The following MAS1 variants were observed in gnomAD, a reference collection of about 807,000 sequenced individuals.
MAS1 encodes the protein MAS1 proto-oncogene, G protein-coupled receptor.
For missense variants in MAS1, 387 were observed against 409.7 expected (o/e 0.94, Z 0.48); for synonymous variants, 163 against 164.2 (o/e 0.99, Z 0.05).
rs535009197 is a variant in MAS1, at chr6:159,912,989, G to T, written c.*5056G>T. The T allele has an allele frequency of 6.6e-6, 1 of 152,274 alleles. No individual in the cohort carries two copies. Among genetic ancestry groups the T allele is most frequent in the East Asian group, 1.9e-4 (1 of 5,182 alleles). The allele number at this position is 152,274 out of a possible 1,614,324, so 9.4% of individuals were successfully genotyped here. Reference sequence around the variant, plus strand: ...ATCAAATGTTGAAGAGAGGCTCTTGGGAAAACTGCTGAAGTCTTTAGATAT... The same window carrying T: ...ATCAAATGTTGAAGAGAGGCTCTTGTGAAAACTGCTGAAGTCTTTAGATAT... On this transcript the variant is annotated 3_prime_UTR_variant, in exon 3 of 3. Transcript: ENST00000674077.
intron 1 of MAS1, among the ~76,000 whole-genome samples, chr6:159,898,874 C>T (rs1782792360): frequency 6.6e-6 from 1 of 152,120 alleles, no homozygotes; most frequent in African/African-American, 2.4e-5. Flanking sequence ...TGGATTTCTG[C>T]CTGGCCAGCA....
rs1783016081 is a variant in MAS1 at position 159,915,841 on chromosome 6, C to T, written c.*7908C>T. 6.6e-6 allele frequency: 1 copy of T among 152,326 alleles called. No individual in the cohort carries two copies. Among genetic ancestry groups the T allele is most frequent in the Admixed American group, 6.5e-5 (1 of 15,276 alleles). 9.4% of individuals were successfully genotyped at this position (152,326 alleles called of 1,614,324 possible). On this transcript the variant is annotated 3_prime_UTR_variant, in exon 3 of 3. Coordinates refer to ENST00000674077, the MANE Select transcript of MAS1 (RefSeq NM_002377.4). ...AGAACAAGGGCCCAGGACAGTGAGGCCCCACCTCAGAACTGCCCTCCTGGA... is the reference window on the plus strand; with the variant it reads ...AGAACAAGGGCCCAGGACAGTGAGGTCCCACCTCAGAACTGCCCTCCTGGA...
chr6:159,900,681 G>A (rs1040904257), intron 2 of MAS1, among the ~76,000 whole-genome samples: 1 of 152,124 alleles, frequency 6.6e-6, no homozygotes, highest in African/African-American at 2.4e-5. Flanking sequence ...TTCATGAGTT[G>A]TGCTCTAACC....
chr6:159,900,300 C>T (rs1000813312), intron 2 of MAS1, among the ~76,000 whole-genome samples: 1 of 152,188 alleles, frequency 6.6e-6, no homozygotes, highest in African/African-American at 2.4e-5. Context: ...TACCCTTCTA[C>T]TCTCCTCACA....
rs1369179361 is a variant in MAS1 at position 159,909,533 on chromosome 6, C to G, written c.*1600C>G. On this transcript the variant is annotated 3_prime_UTR_variant, in exon 3 of 3. Transcript: ENST00000674077. ...TGGGTGACAACATCTGATTCAGAAA[C>G]AAGGCAGCTTTGCTTTCAGGAGCCC... 1 of 152,204 alleles carries G rather than the reference C, an allele frequency of 6.6e-6. No homozygotes were observed. The highest frequency in any genetic ancestry group is 1.9e-4 in the East Asian group (1 of 5,204). 9.4% of individuals were successfully genotyped at this position (152,204 alleles called of 1,614,324 possible). A position where few individuals can be genotyped will look rare whatever the true frequency, so the allele number is the denominator to read the frequency against.
In MAS1 at chr6:159,911,298, ACCGTTTCTTTTTT is replaced by A. The variant is rs1416948374; in HGVS notation, c.*3367_*3379del. 1.1e-5 allele frequency: 1 copy of A among 93,732 alleles called. No homozygotes were observed. The highest frequency in any genetic ancestry group is 2.3e-5 in the Non-Finnish European group (1 of 43,578). 5.8% of individuals were successfully genotyped at this position (93,732 alleles called of 1,614,324 possible). ...GTGCTTGTAACCCATTCATTTCCCC[ACCGTTTCTTTTTT>A]CTTTTCTTTTCTTTTCCTTTTTTTT... On this transcript the variant is annotated 3_prime_UTR_variant, in exon 3 of 3. Coordinates refer to ENST00000674077, the MANE Select transcript of MAS1 (RefSeq NM_002377.4).
At chr6:159,892,990 G>A (rs1782717605) in intron 1 of MAS1, among the ~76,000 whole-genome samples, 1 of 152,222 alleles carries the variant, frequency 6.6e-6, no homozygotes, top group Non-Finnish European at 1.5e-5. Context: ...TTGACTGAAA[G>A]TGCAGCTCCC....
upstream of MAS1, among the ~76,000 whole-genome samples, chr6:159,890,405 T>C (rs934438286): frequency 1.6e-4 from 25 of 152,200 alleles, no homozygotes; most frequent in Non-Finnish European, 1.2e-4. Flanking sequence ...AGTCTGGGCA[T>C]GGCCAATGGT....
Position 159,909,496 on chromosome 6 carries a change from G to T in MAS1, c.*1563G>T, listed in dbSNP as rs1782941063. On this transcript the variant is annotated 3_prime_UTR_variant, in exon 3 of 3. Transcript: ENST00000674077. ...CACTGCCAGCCAAGCTTGGATGCAG[G>T]AGGCTTTTCAGTGGGTGACAACATC... 6.6e-6 allele frequency: 1 copy of T among 152,234 alleles called. No homozygotes were observed. Among genetic ancestry groups the T allele is most frequent in the African/African-American group, 2.4e-5 (1 of 41,472 alleles). 9.4% of individuals were successfully genotyped at this position (152,234 alleles called of 1,614,324 possible).
chr6:159,889,759 G>T (rs748350617), upstream of MAS1, among the ~76,000 whole-genome samples: 3 of 152,180 alleles, frequency 2.0e-5, no homozygotes, highest in African/African-American at 4.8e-5. Context: ...CTGTTGATTT[G>T]CTGCTCAGCA....
chr6:159,910,016 A>G lies in MAS1; in HGVS notation c.*2083A>G, dbSNP rs1227547889. On this transcript the variant is annotated 3_prime_UTR_variant, in exon 3 of 3. Transcript: ENST00000674077. The stretch of plus-strand genomic sequence containing the variant: ...AAACCCATTCCCAAAGTGAACTGTA[A>G]GGTTAAAACTATAACAAGAAGATTT... 2.0e-5 allele frequency: 3 copies of G among 152,222 alleles called. No individual in the cohort carries two copies. Among genetic ancestry groups the G allele is most frequent in the Non-Finnish European group, 4.4e-5 (3 of 68,034 alleles). 9.4% of individuals were successfully genotyped at this position (152,222 alleles called of 1,614,324 possible).
rs1782990921 is a variant in MAS1 at position 159,913,749 on chromosome 6, G to A, written c.*5816G>A. ...CTCATTTGCTTAAAATTATTGGCATGTTGTTGAAATTATAATGAGTTTTAG... is the reference window on the plus strand; with the variant it reads ...CTCATTTGCTTAAAATTATTGGCATATTGTTGAAATTATAATGAGTTTTAG... On this transcript the variant is annotated 3_prime_UTR_variant, in exon 3 of 3. Coordinates refer to ENST00000674077, the MANE Select transcript of MAS1 (RefSeq NM_002377.4). The A allele has an allele frequency of 6.6e-6, 1 of 152,166 alleles. No individual in the cohort carries two copies. The highest frequency in any genetic ancestry group is 6.5e-5 in the Admixed American group (1 of 15,274). The allele number at this position is 152,166 out of a possible 1,614,324, so 9.4% of individuals were successfully genotyped here. A position where few individuals can be genotyped will look rare whatever the true frequency, so the allele number is the denominator to read the frequency against.
chr6:159,894,901 A>G (rs1782738605), intron 1 of MAS1, among the ~76,000 whole-genome samples: 1 of 152,134 alleles, frequency 6.6e-6, no homozygotes, highest in Admixed American at 6.5e-5. Flanking sequence ...TCTGAAAACA[A>G]CTCATTCCTG....
chr6:159,916,468 A>T lies in MAS1; in HGVS notation c.*8535A>T, dbSNP rs1783025905. On this transcript the variant is annotated 3_prime_UTR_variant, in exon 3 of 3. Transcript: ENST00000674077. Reference sequence around the variant, plus strand: ...ACCCCACTGTACTGTATTCTTAAAAATGTTTCAGATGGTAAATTTTATGTT... The same window carrying T: ...ACCCCACTGTACTGTATTCTTAAAATTGTTTCAGATGGTAAATTTTATGTT... 6.6e-6 allele frequency: 1 copy of T among 152,218 alleles called. No individual in the cohort carries two copies. The highest frequency in any genetic ancestry group is 2.4e-5 in the African/African-American group (1 of 41,450). 9.4% of individuals were successfully genotyped at this position (152,218 alleles called of 1,614,324 possible).
Position 159,907,275 on chromosome 6 carries a change from C to T in MAS1, c.320C>T (p.Thr107Ile). The T allele has an allele frequency of 6.2e-7, 1 of 1,614,218 alleles. No homozygotes were observed. Among genetic ancestry groups the T allele is most frequent in the Non-Finnish European group, 8.5e-7 (1 of 1,180,034 alleles). ...LSSGHYYTIVTLSVTFLFGYN... is the reference protein window; with the variant it reads ...LSSGHYYTIVILSVTFLFGYN... ...TCTGGCCATTACTACACAATTGTCA[C>T]ATTATCAGTGACTTTTCTGTTTGGC... The change falls in exon 3 of 3, where the codon ACA (threonine) becomes ATA (isoleucine). Residue 107 changes from threonine to isoleucine, a missense_variant. Transcript: ENST00000674077.
chr6:159,908,012 T>C lies in MAS1; in HGVS notation c.*79T>C. ...TTGTGCTTGGAATATGACTTAAGTA[T>C]CTCCTAAATGTGATACAGAAGAACA... On this transcript the variant is annotated 3_prime_UTR_variant, in exon 3 of 3. Coordinates refer to ENST00000674077, the MANE Select transcript of MAS1 (RefSeq NM_002377.4). 1 of 1,454,494 alleles carries C rather than the reference T, an allele frequency of 6.9e-7. No homozygotes were observed. The highest frequency in any genetic ancestry group is 9.3e-7 in the Non-Finnish European group (1 of 1,079,540). 90.1% of individuals were successfully genotyped at this position (1,454,494 alleles called of 1,614,324 possible).
At chr6:159,895,066 G>A (rs1211889685) in intron 1 of MAS1, among the ~76,000 whole-genome samples, 3 of 152,162 alleles carry the variant, frequency 2.0e-5, no homozygotes, top group Non-Finnish European at 4.4e-5. Context: ...TTGATTGTGC[G>A]GTTGCTTCTG....
chr6:159,900,863 C>G (rs960298793), intron 2 of MAS1, among the ~76,000 whole-genome samples: 3 of 152,052 alleles, frequency 2.0e-5, no homozygotes, highest in African/African-American at 7.2e-5. Context: ...GATTCAGATG[C>G]AAAAAGGATA....
At chr6:159,889,640 A>G (rs1037744681), upstream of MAS1, among the ~76,000 whole-genome samples, 2 of 152,104 alleles carry the variant, frequency 1.3e-5, no homozygotes, top group Non-Finnish European at 2.9e-5. Flanking sequence ...GTTTCTGACC[A>G]TCCTCTGGGA....
Sources: allele counts gnomAD v4.1 joint callset (sites outside exome capture counted in the v4.1 genomes callset), GRCh38; gene constraint gnomAD v4.1.1; transcripts MANE v1.5; gene names NCBI Gene and HGNC (gene_info 2026-07-23, HGNC 2026-07-21).